LUC7L: variants seen among roughly 807,000 people sequenced by gnomAD.
LUC7L encodes the protein putative RNA-binding protein Luc7-like 1.
Under a neutral mutation model 51.1 loss-of-function variants are expected in LUC7L, and 29 were observed. The ratio of observed to expected loss-of-function variants is 0.57; its 90% CI spans 0.42 to 0.77. The LOEUF (loss-of-function observed/expected upper bound fraction) is 0.77, where lower values mean the gene tolerates loss of function less well. LUC7L is among the 30% of genes least tolerant of loss of function. The pLI, the probability that LUC7L is intolerant of heterozygous loss-of-function variation, is 0.00. For missense variants in LUC7L, 403 were observed against 511.9 expected (o/e 0.79, Z 2.05); for synonymous variants, 181 against 180.7 (o/e 1.00, Z -0.01).
chr16:202,576 G>T (rs2049365892), intron 5 of LUC7L, among the ~76,000 whole-genome samples: 1 of 152,102 alleles, frequency 6.6e-6, no homozygotes, highest in Non-Finnish European at 1.5e-5. Flanking sequence ...TACAGGTGTG[G>T]AGCCTAGGAG....
intron 2 of LUC7L, among the ~76,000 whole-genome samples, chr16:225,805 A>G (rs80002150): frequency 6.7e-6 from 1 of 149,908 alleles, no homozygotes; most frequent in Non-Finnish European, 1.5e-5. Context: ...TCTCAAAAAA[A>G]AAAAGAAAAG....
At chr16:210,575 T>C (rs929986554) in intron 3 of LUC7L, among the ~76,000 whole-genome samples, 6 of 152,118 alleles carry the variant, frequency 3.9e-5, no homozygotes, top group Admixed American at 1.3e-4. Flanking sequence ...ACAGTGGCCC[T>C]GTACTGTCTG....
intron 6 of LUC7L, among the ~76,000 whole-genome samples, chr16:194,192 C>A (rs899069647): frequency 1.3e-5 from 2 of 152,092 alleles, no homozygotes; most frequent in Non-Finnish European, 2.9e-5. Flanking sequence ...GAGCCTTGAC[C>A]TCCCAGGCTC....
chr16:228,078 A>G (rs2050174370), intron 1 of LUC7L: 1 of 1,150,524 alleles, frequency 8.7e-7, no homozygotes, highest in Non-Finnish European at 1.1e-6. Flanking sequence ...CACCTGCAGT[A>G]AGGAAGTCGG....
intron 3 of LUC7L, among the ~76,000 whole-genome samples, chr16:216,628 C>T (rs1337330866): frequency 6.6e-6 from 1 of 152,042 alleles, no homozygotes; most frequent in Non-Finnish European, 1.5e-5. Flanking sequence ...GATCTGCCCG[C>T]CTCGGCCTCC....
intron 3 of LUC7L, among the ~76,000 whole-genome samples, chr16:212,209 C>T (rs2142086799): frequency 6.6e-6 from 1 of 152,304 alleles, no homozygotes; most frequent in East Asian, 1.9e-4. Context: ...AGGAGAATCA[C>T]TTGAACTCGG....
chr16:216,380 G>GT (rs34292372), intron 3 of LUC7L, among the ~76,000 whole-genome samples: 6,367 of 107,298 alleles, frequency 0.059, 730 homozygotes, highest in African/African-American at 0.2. Context: ...TCAAATAGTT[G>GT]TTTTTTTTTT....
chr16:203,314 C>T lies in LUC7L; in HGVS notation c.510+2690G>A, dbSNP rs551336027. Among the ~76,000 whole-genome samples, 47 of 152,238 alleles carry T rather than the reference C, an allele frequency of 3.1e-4. 2 individuals are homozygous for T. In the South Asian group the frequency reaches 8.5e-3, roughly 28 times the overall value. On this transcript the variant is annotated intron_variant, in intron 5 of 9. Coordinates refer to ENST00000293872, the MANE Select transcript of LUC7L (RefSeq NM_201412.3). ...CCAAAGCATTAGGGAGCAAATCATG[C>T]CAATTCTCTACAATCGCTTTCAGAA...
chr16:226,355 G>A (rs2050133274), intron 2 of LUC7L, among the ~76,000 whole-genome samples: 1 of 151,980 alleles, frequency 6.6e-6, no homozygotes, highest in South Asian at 2.1e-4. Context: ...AAATGGGGGT[G>A]GTCTCTACAG....
At chr16:204,005 G>C (rs1228660919) in intron 5 of LUC7L, among the ~76,000 whole-genome samples, 1 of 152,050 alleles carries the variant, frequency 6.6e-6, no homozygotes, top group African/African-American at 2.4e-5. Context: ...GAATGAATGA[G>C]ACTCCATCTC....
chr16:223,465 G>C (rs1201729579), intron 2 of LUC7L, among the ~76,000 whole-genome samples: 2 of 152,140 alleles, frequency 1.3e-5, no homozygotes, highest in South Asian at 4.1e-4. Flanking sequence ...GGCAGACAAC[G>C]GGTCTGCCTT....
intron 6 of LUC7L, among the ~76,000 whole-genome samples, chr16:198,695 T>G (rs1004277118): frequency 8.7e-5 from 13 of 148,702 alleles, no homozygotes; most frequent in Non-Finnish European, 1.6e-4. Context: ...ATGTTTTTTG[T>G]TTTTTTTTTG....
chr16:195,150 A>G (rs2049115501), intron 6 of LUC7L, among the ~76,000 whole-genome samples: 1 of 152,150 alleles, frequency 6.6e-6, no homozygotes. Flanking sequence ...CATTTAAGCC[A>G]GGTACGGTGG....
chr16:192,067 T>G (rs966760560), intron 7 of LUC7L, among the ~76,000 whole-genome samples: 2 of 151,802 alleles, frequency 1.3e-5, no homozygotes, highest in Middle Eastern at 3.2e-3. Context: ...CTCCTCCCAC[T>G]CCAATACACC....
chr16:205,271 T>A (rs191527916), intron 5 of LUC7L, among the ~76,000 whole-genome samples: 2 of 152,260 alleles, frequency 1.3e-5, no homozygotes, highest in East Asian at 3.9e-4. Context: ...CATCTCAGCC[T>A]CCCGAACAGC....
Position 193,009 on chromosome 16 carries a change from C to G in LUC7L, c.694G>C (p.Val232Leu). The part of the protein sequence containing the change: ...REKLDQLRKT[V>L]AEKQEKRNQD... The stretch of plus-strand genomic sequence containing the variant: ...TTTCTCTTCTCCTGCTTTTCAGCGA[C>G]AGTTTTCTAAATAAATGAAACAAAA... Residue 232 changes from valine to leucine, a missense_variant, in exon 7 of 10, where the codon GTC (valine) becomes CTC (leucine). This residue lies in a region of LUC7L where 206 missense variants were observed against 218.3 expected (regional missense o/e 0.94). Coordinates refer to ENST00000293872, the MANE Select transcript of LUC7L (RefSeq NM_201412.3). The G allele has an allele frequency of 6.2e-7, 1 of 1,612,584 alleles. No individual in the cohort carries two copies. Among genetic ancestry groups the G allele is most frequent in the Non-Finnish European group, 8.5e-7 (1 of 1,179,790 alleles).
chr16:195,260 A>C (rs935402598), intron 6 of LUC7L, among the ~76,000 whole-genome samples: 5 of 146,106 alleles, frequency 3.4e-5, no homozygotes, highest in African/African-American at 1.3e-4. Context: ...CTCCTACCTA[A>C]AAAAAAAAAA....
At chr16:217,375 C>T (rs1426110503) in intron 3 of LUC7L, among the ~76,000 whole-genome samples, 4 of 152,002 alleles carry the variant, frequency 2.6e-5, no homozygotes, top group Non-Finnish European at 4.4e-5. Flanking sequence ...ATCTCAGGTA[C>T]CCCCCAAATA....
chr16:189,367 G>A (rs1489189234), intron 9 of LUC7L, 28 bp from the exon 10 acceptor site: 9 of 1,591,024 alleles, frequency 5.7e-6, no homozygotes, highest in African/African-American at 2.7e-5. Context: ...GAGGCTCAGT[G>A]GAGGCTGCTG....
Sources: gnomAD v4.1 joint callset for allele counts (sites outside exome capture counted in the v4.1 genomes callset) on GRCh38, gnomAD v4.1.1 for gene constraint, gnomAD v4.1.1 regional missense constraint, MANE v1.5 for transcripts, NCBI Gene and HGNC (gene_info 2026-07-23, HGNC 2026-07-21) for gene names.